MYBPC3: variants seen among roughly 807,000 people sequenced by gnomAD.
MYBPC3 encodes the protein myosin-binding protein C, cardiac-type.
MYBPC3 carries 108 observed loss-of-function variants against 159.3 expected under a neutral mutation model. That is an observed-to-expected ratio of 0.68 (90% CI 0.58 to 0.80). The LOEUF (loss-of-function observed/expected upper bound fraction) is 0.80, where lower values mean the gene tolerates loss of function less well. Ranked by LOEUF, MYBPC3 falls within the 30% of genes least tolerant of loss-of-function variation. The pLI is 0.00. For synonymous variants in MYBPC3, 730 were observed against 702.0 expected (o/e 1.04, Z -0.63); for missense variants, 1,631 against 1,762.1 (o/e 0.93, Z 1.33).
rs761520688 is a variant in MYBPC3 at position 47,347,657 on chromosome 11, C to T, written c.845G>A (p.Arg282Gln). The T allele has an allele frequency of 1.0e-5, 16 of 1,573,956 alleles. No homozygotes were observed. The highest frequency in any genetic ancestry group is 5.6e-5 in the Admixed American group (3 of 53,950). ...GGGCCTGGGGCAGGGGTACCTGATCCGCCGACCACCTCCAGCCAGGCTCCT... is the reference window on the plus strand; with the variant it reads ...GGGCCTGGGGCAGGGGTACCTGATCTGCCGACCACCTCCAGCCAGGCTCCT... ...RRTSLAGGGR[R>Q]ISDSHEDTGI... The change falls in exon 8 of 35, where the codon CGG (arginine) becomes CAG (glutamine). Residue 282 changes from arginine to glutamine, a missense_variant. Physicochemically the swap from Arg to Gln is conservative, Grantham distance 43 (BLOSUM62 1). Transcript: ENST00000545968.
rs753209030 is a variant in MYBPC3, at chr11:47,343,614, C to A, written c.1101G>T (p.Lys367Asn). 3 of 1,611,644 alleles carry A rather than the reference C, an allele frequency of 1.9e-6. No individual in the cohort carries two copies. Among genetic ancestry groups the A allele is most frequent in the South Asian group, 2.2e-5 (2 of 90,776 alleles). ...RDEKKSTAFQ[K>N]KLEPAYQVSK... ...TCACCTGGTAGGCCGGCTCCAGCTT[C>A]TTCTGAAAGGCTGAGCACCACCCCT... The change falls in exon 13 of 35, where the codon AAG becomes AAT. Residue 367 changes from lysine (K) to asparagine (N), a missense_variant. Coordinates refer to ENST00000545968, the MANE Select transcript of MYBPC3 (RefSeq NM_000256.3).
Position 47,333,912 on chromosome 11 carries a change from C to T in MYBPC3, c.2994+10G>A, listed in dbSNP as rs754276518. 7.0e-6 allele frequency: 11 copies of T among 1,564,948 alleles called. No individual in the cohort carries two copies. Among genetic ancestry groups the T allele is most frequent in the Middle Eastern group, 1.7e-4 (1 of 5,890 alleles). On this transcript the variant is annotated intron_variant, in intron 28 of 34. Coordinates refer to ENST00000545968, the MANE Select transcript of MYBPC3 (RefSeq NM_000256.3). ...CTCCCCTGGGGGACAGGGAAGGGGG[C>T]CAGTCCCACCTGGAAAGGGATGAGA...
intron 12 of MYBPC3, 106 bp from the exon 13 acceptor site, chr11:47,343,730 C>G (rs2095891639): frequency 1.8e-6 from 2 of 1,109,442 alleles, no homozygotes. Flanking sequence ...CTCCAATCCC[C>G]TCTGTGCCGC....
chr11:47,343,707 C>A, intron 12 of MYBPC3, 83 bp from the exon 13 acceptor site: 1 of 1,391,298 alleles, frequency 7.2e-7, no homozygotes, highest in Admixed American at 2.5e-5. Flanking sequence ...GTGGCTGGGG[C>A]CCAGGTCCCC....
In MYBPC3 at chr11:47,346,665, G is replaced by A. The variant is rs755211743; in HGVS notation, c.909-21C>T. ...AACTGCTGCTCCAGGGGTGGGGGTG[G>A]GAGAAAGGGTAGGTGGCACATGAGA... On this transcript the variant is annotated intron_variant, in intron 10 of 34. Transcript: ENST00000545968. The surrounding 1 kb of genome is among the most constrained non-coding windows in gnomAD (Gnocchi z 5.3). 16 of 1,596,324 alleles carry A rather than the reference G, an allele frequency of 1.0e-5. 1 individual carries two copies. In the South Asian group the frequency reaches 1.8e-4, roughly 18 times the overall value.
chr11:47,341,363 T>A (rs2095888403), intron 18 of MYBPC3, 119 bp from the exon 19 acceptor site: 6 of 710,184 alleles, frequency 8.4e-6, no homozygotes, highest in Non-Finnish European at 1.4e-5. Flanking sequence ...GTATTCTGAT[T>A]TTTAAAAATG....
At position 47,348,477 on chromosome 11, in the gene MYBPC3, T is replaced by G. The variant is rs1258661494; in HGVS notation, c.719A>C (p.Glu240Ala). Residue 240 changes from glutamate to alanine, a missense_variant, in exon 6 of 35, where the codon GAG (glutamate) becomes GCG (alanine). Physicochemically the swap from Glu to Ala is moderately radical, Grantham distance 107. Transcript: ENST00000545968. ...QPAFTGSYRC[E>A]VSTKDKFDCS... ...GTCAAATTTGTCCTTGGTGGACACC[T>G]CACAGCGGTAGCTGCCAGTGAAGGC... 1.2e-6 allele frequency: 2 copies of G among 1,613,376 alleles called. No individual in the cohort carries two copies. The highest frequency in any genetic ancestry group is 3.3e-5 in the Admixed American group (2 of 59,952).
rs184199338 is a variant in MYBPC3, at chr11:47,352,394, G to A, written c.25+229C>T. On this transcript the variant is annotated intron_variant, in intron 1 of 34. Transcript: ENST00000545968. Reference sequence around the variant, plus strand: ...CCCGGGTGCTTCCTGTCTTGGCTGTGTCCCCTCTCTGCGTCCCTGACCTTG... The same window carrying A: ...CCCGGGTGCTTCCTGTCTTGGCTGTATCCCCTCTCTGCGTCCCTGACCTTG... Among the ~76,000 whole-genome samples, 250 of 152,180 alleles carry A rather than the reference G, an allele frequency of 1.6e-3. 1 individual carries two copies. The highest frequency in any genetic ancestry group is 1.7e-3 in the Non-Finnish European group (119 of 68,004).
intron 5 of MYBPC3, among the ~76,000 whole-genome samples, chr11:47,349,132 G>GC (rs1026118808): frequency 6.6e-6 from 1 of 151,406 alleles, no homozygotes; most frequent in African/African-American, 2.4e-5. Flanking sequence ...CTTGCTAGAG[G>GC]CCCCCTTGCC....
At position 47,342,565 on chromosome 11, in the gene MYBPC3, C is replaced by T. The variant is rs397515913; in HGVS notation, c.1624+13G>A. The T allele has an allele frequency of 1.0e-4, 157 of 1,566,926 alleles. No individual in the cohort carries two copies. In the South Asian group the frequency reaches 1.7e-3, roughly 17 times the overall value. On this transcript the variant is annotated intron_variant, in intron 17 of 34. Transcript: ENST00000545968. ...AGCCCTAAAGCCTCATGTGCCCCCCCAGCCAGGCTCACCCTGCACAATGAG... is the reference window on the plus strand; with the variant it reads ...AGCCCTAAAGCCTCATGTGCCCCCCTAGCCAGGCTCACCCTGCACAATGAG...
In MYBPC3 at chr11:47,346,199, G is replaced by T; in HGVS notation, c.1090+8C>A. The T allele has an allele frequency of 1.9e-6, 3 of 1,613,672 alleles. No homozygotes were observed. Among genetic ancestry groups the T allele is most frequent in the Non-Finnish European group, 2.5e-6 (3 of 1,179,802 alleles). ...GCCCTCTCCTCTCCCCTCTGAGGAA[G>T]GGCTAACCTGTGCTCTTCTTCTCAT... On this transcript the variant is annotated splice_region_variant and intron_variant, in intron 12 of 34. Coordinates refer to ENST00000545968, the MANE Select transcript of MYBPC3 (RefSeq NM_000256.3). The surrounding 1 kb of genome is among the most constrained non-coding windows in gnomAD (Gnocchi z 5.3).
chr11:47,348,463 C>T lies in MYBPC3; in HGVS notation c.733G>A (p.Asp245Asn). 2 of 1,613,378 alleles carry T rather than the reference C, an allele frequency of 1.2e-6. No homozygotes were observed. The highest frequency in any genetic ancestry group is 1.6e-4 in the Middle Eastern group (1 of 6,062). Residue 245 changes from aspartate (D) to asparagine (N), a missense_variant, in exon 6 of 35, where the codon GAC becomes AAC. Physicochemically the swap from Asp to Asn is conservative, Grantham distance 23 (BLOSUM62 1). Transcript: ENST00000545968. ...TTGAAGTTGGAGCAGTCAAATTTGT[C>T]CTTGGTGGACACCTCACAGCGGTAG... ...GSYRCEVSTK[D>N]KFDCSNFNLT... is the part of the protein sequence containing the mutation.
chr11:47,335,300 G>T, intron 26 of MYBPC3, 91 bp from the exon 27 acceptor site: 1 of 1,026,078 alleles, frequency 9.7e-7, no homozygotes, highest in Non-Finnish European at 1.3e-6. Flanking sequence ...GAATCTCCAG[G>T]ATTTAAATAT....
rs1344426907 is a variant in MYBPC3 at position 47,339,666 on chromosome 11, C to T, written c.2052G>A (p.Gln684=). 6.2e-7 allele frequency: 1 copy of T among 1,606,138 alleles called. No homozygotes were observed. The highest frequency in any genetic ancestry group is 8.5e-7 in the Non-Finnish European group (1 of 1,175,696). ...CCCACAGTACCTGCGTGATAGCCTT[C>T]TGCCAGATCACAGTGGGAGCAGGGT... ...SGDPAPTVIW[Q]KAITQGNKAP... Residue 684 remains glutamine, a synonymous_variant, in exon 21 of 35, where the codon CAG becomes CAA. Coordinates refer to ENST00000545968, the MANE Select transcript of MYBPC3 (RefSeq NM_000256.3).
Position 47,332,793 on chromosome 11 carries a change from G to A in MYBPC3, c.3490+21C>T, listed in dbSNP as rs773124805. The A allele has an allele frequency of 5.0e-6, 8 of 1,596,476 alleles. No homozygotes were observed. The highest frequency in any genetic ancestry group is 1.1e-5 in the South Asian group (1 of 88,606). ...AGCCTCCCTGCCCCAGCCCCTGGTTGGAAGAATGAGGGTACAGCACCTGGT... is the reference window on the plus strand; with the variant it reads ...AGCCTCCCTGCCCCAGCCCCTGGTTAGAAGAATGAGGGTACAGCACCTGGT... On this transcript the variant is annotated intron_variant, in intron 31 of 34. Coordinates refer to ENST00000545968, the MANE Select transcript of MYBPC3 (RefSeq NM_000256.3). The surrounding 1 kb of genome is among the most constrained non-coding windows in gnomAD (Gnocchi z 4.2).
chr11:47,337,673 G>A lies in MYBPC3; in HGVS notation c.2413+17C>T, dbSNP rs773491094. 2.1e-5 allele frequency: 33 copies of A among 1,593,106 alleles called. No individual in the cohort carries two copies. Among genetic ancestry groups the A allele is most frequent in the South Asian group, 1.1e-4 (10 of 88,562 alleles). ...GTTTGGCGCCCTCACACCTCCATCCGGTGCCCTTGCACTCACCCAGGATGG... is the reference window on the plus strand; with the variant it reads ...GTTTGGCGCCCTCACACCTCCATCCAGTGCCCTTGCACTCACCCAGGATGG... On this transcript the variant is annotated intron_variant, in intron 24 of 34. Coordinates refer to ENST00000545968, the MANE Select transcript of MYBPC3 (RefSeq NM_000256.3).
rs2095894924 is a variant in MYBPC3, at chr11:47,346,951, T to G, written c.908+76A>C. 2 of 767,290 alleles carry G rather than the reference T, an allele frequency of 2.6e-6. No individual in the cohort carries two copies. Among genetic ancestry groups the G allele is most frequent in the Admixed American group, 3.4e-5 (2 of 58,710 alleles). 47.5% of individuals were successfully genotyped at this position (767,290 alleles called of 1,614,324 possible). On this transcript the variant is annotated intron_variant, in intron 10 of 34. Coordinates refer to ENST00000545968, the MANE Select transcript of MYBPC3 (RefSeq NM_000256.3). This position sits in a 1 kb window ranked among gnomAD's most constrained non-coding sequence, Gnocchi z 5.3. Reference sequence around the variant, plus strand: ...GCTCTGAGTCTCTCACCACAGCCTCTCAGAGAGGGGACGGGAATCCCCTCT... The same window carrying G: ...GCTCTGAGTCTCTCACCACAGCCTCGCAGAGAGGGGACGGGAATCCCCTCT...
chr11:47,332,892 G>A lies in MYBPC3; in HGVS notation c.3412C>T (p.Arg1138Cys), dbSNP rs377171707. The change falls in exon 31 of 35, where the codon CGC becomes TGC. Residue 1138 changes from arginine to cysteine, a missense_variant. Transcript: ENST00000545968. This position sits in a 1 kb window ranked among gnomAD's most constrained non-coding sequence, Gnocchi z 4.2. ...ELIIGNGYYFRVFSQNMVGFS... is the reference protein window; with the variant it reads ...ELIIGNGYYFCVFSQNMVGFS... ...CCAACCATATTCTGGCTGAAGACGC[G>A]GAAGTAGTAGCCATTGCCAATGATG... 38 of 1,608,068 alleles carry A rather than the reference G, an allele frequency of 2.4e-5. No individual in the cohort carries two copies. The East Asian group carries it at 2.9e-4, about 12-fold the overall frequency.
In MYBPC3 at chr11:47,332,669, A is replaced by G; in HGVS notation, c.3524T>C (p.Leu1175Pro). 1 of 1,612,836 alleles carries G rather than the reference A, an allele frequency of 6.2e-7. No individual in the cohort carries two copies. Among genetic ancestry groups the G allele is most frequent in the Non-Finnish European group, 8.5e-7 (1 of 1,179,396 alleles). ...ITYEPPNYKA[L>P]DFSEAPSFTQ... Reference sequence around the variant, plus strand: ...GAAGCTTGGGGCCTCGGAGAAGTCCAGGGCCTTATAGTTGGGTGGCTCATA... The same window carrying G: ...GAAGCTTGGGGCCTCGGAGAAGTCCGGGGCCTTATAGTTGGGTGGCTCATA... Residue 1175 changes from leucine (L) to proline (P), a missense_variant, in exon 32 of 35, where the codon CTG becomes CCG. Physicochemically the swap from Leu to Pro is moderately conservative, Grantham distance 98 (BLOSUM62 -3). Transcript: ENST00000545968. The surrounding 1 kb of genome is among the most constrained non-coding windows in gnomAD (Gnocchi z 4.2).
Sources: allele counts gnomAD v4.1 joint callset (sites outside exome capture counted in the v4.1 genomes callset), GRCh38; gene constraint gnomAD v4.1.1; non-coding constraint Gnocchi (gnomAD v3.1); transcripts MANE v1.5; gene names NCBI Gene and HGNC (gene_info 2026-07-23, HGNC 2026-07-21).